Variants in TMEM135 observed in about 807,000 individuals in gnomAD.
TMEM135 encodes the protein transmembrane protein 135.
TMEM135 carries 30 observed loss-of-function variants against 60.3 expected under a neutral mutation model. The ratio of observed to expected loss-of-function variants is 0.50; its 90% CI spans 0.37 to 0.68. The LOEUF is 0.68. TMEM135 is among the 30% of genes least tolerant of loss of function. The pLI is 0.00. For missense variants in TMEM135, 468 were observed against 548.8 expected (o/e 0.85, Z 1.47); for synonymous variants, 190 against 186.7 (o/e 1.02, Z -0.14).
chr11:87,090,859 A>G (rs1050117257), intron 3 of TMEM135, among the ~76,000 whole-genome samples: 1 of 152,138 alleles, frequency 6.6e-6, no homozygotes, highest in African/African-American at 2.4e-5. Context: ...AAATGAAATT[A>G]AAACCAATGT....
chr11:87,077,677 T>C (rs1199085661), intron 3 of TMEM135, among the ~76,000 whole-genome samples: 1 of 152,212 alleles, frequency 6.6e-6, no homozygotes, highest in Non-Finnish European at 1.5e-5. Context: ...CACAAAGTTG[T>C]TTAACTACCA....
intron 4 of TMEM135, among the ~76,000 whole-genome samples, chr11:87,135,770 A>G (rs1245949372): frequency 6.6e-6 from 1 of 152,094 alleles, no homozygotes; most frequent in Admixed American, 6.6e-5. Flanking sequence ...CAATTTTTGT[A>G]TAAAAAGCCT....
intron 4 of TMEM135, among the ~76,000 whole-genome samples, chr11:87,142,041 G>A (rs1419553643): frequency 6.6e-6 from 1 of 152,084 alleles, no homozygotes; most frequent in Non-Finnish European, 1.5e-5. Flanking sequence ...TTGAGAGAGG[G>A]TCCTCCTCCC....
At chr11:87,221,612 C>T (rs1940617957) in intron 5 of TMEM135, among the ~76,000 whole-genome samples, 1 of 152,062 alleles carries the variant, frequency 6.6e-6, no homozygotes. Flanking sequence ...AGATCTTAAC[C>T]ACATGCAACT....
intron 1 of TMEM135, among the ~76,000 whole-genome samples, chr11:87,038,609 CTTTTT>C (rs3045930): frequency 1.3e-4 from 15 of 113,918 alleles, no homozygotes; most frequent in Non-Finnish European, 1.6e-4. Context: ...TTTTATTTTG[CTTTTT>C]TTTTTTTTTT....
chr11:87,281,581 A>C (rs1157173436), intron 6 of TMEM135, among the ~76,000 whole-genome samples: 2 of 152,234 alleles, frequency 1.3e-5, no homozygotes, highest in Non-Finnish European at 2.9e-5. Flanking sequence ...AATATAAACA[A>C]ATACAGTTGA....
chr11:87,102,670 G>A (rs1325132882), intron 4 of TMEM135, among the ~76,000 whole-genome samples: 1 of 146,520 alleles, frequency 6.8e-6, no homozygotes, highest in Non-Finnish European at 1.5e-5. Context: ...GCAATGTGAT[G>A]TTTTGATATA....
intron 12 of TMEM135, among the ~76,000 whole-genome samples, chr11:87,317,544 T>C (rs754260670): frequency 4.2e-4 from 64 of 152,140 alleles, no homozygotes; most frequent in Non-Finnish European, 6.8e-4. Context: ...TGCTTTGCTC[T>C]TTGGTTATGG....
chr11:87,212,905 A>T (rs776958914), intron 5 of TMEM135, among the ~76,000 whole-genome samples: 1 of 151,990 alleles, frequency 6.6e-6, no homozygotes, highest in Non-Finnish European at 1.5e-5. Flanking sequence ...TAATATACAA[A>T]TTTATAGAAA....
chr11:87,101,870 G>A (rs1011439951), intron 4 of TMEM135, among the ~76,000 whole-genome samples: 8 of 152,176 alleles, frequency 5.3e-5, no homozygotes, highest in African/African-American at 1.7e-4. Context: ...CTACTCGGGA[G>A]ACTGAGGCAG....
intron 14 of TMEM135, among the ~76,000 whole-genome samples, chr11:87,320,132 C>T (rs1404657498): frequency 2.0e-5 from 3 of 152,058 alleles, no homozygotes; most frequent in African/African-American, 7.2e-5. Flanking sequence ...TTTTAAGAGG[C>T]ACACATACAA....
Position 87,322,763 on chromosome 11 carries a change from T to G in TMEM135, c.*1430T>G. 1 of 454,250 alleles carries G rather than the reference T, an allele frequency of 2.2e-6. No individual in the cohort carries two copies. The highest frequency in any genetic ancestry group is 4.4e-6 in the Non-Finnish European group (1 of 226,728). 28.1% of individuals were successfully genotyped at this position (454,250 alleles called of 1,614,324 possible). A position where few individuals can be genotyped will look rare whatever the true frequency, so the allele number is the denominator to read the frequency against. On this transcript the variant is annotated 3_prime_UTR_variant, in exon 15 of 15. Transcript: ENST00000305494. ...GCTTAAATGTAATTCAATCCTTGGT[T>G]GTTATGGCAAACAGAAACCCAACAA... is the stretch of plus-strand genomic sequence containing the variant.
intron 4 of TMEM135, among the ~76,000 whole-genome samples, chr11:87,129,792 T>TA (rs1257923081): frequency 6.6e-6 from 1 of 151,800 alleles, no homozygotes; most frequent in Non-Finnish European, 1.5e-5. Flanking sequence ...CTGCCCTCCT[T>TA]AGCCTCCGAA....
rs1000029158 is a variant in TMEM135 at position 87,325,501 on chromosome 11, T to G, written c.*4168T>G. The G allele has an allele frequency of 1.2e-4, 52 of 439,978 alleles. No homozygotes were observed. The highest frequency in any genetic ancestry group is 2.2e-4 in the Non-Finnish European group (48 of 219,068). 27.3% of individuals were successfully genotyped at this position (439,978 alleles called of 1,614,324 possible). ...CTGTTTTATGTGGGCTCTCTCTCTC[T>G]CCCTCTCTCTCTCTCTCTGTCTGTC... On this transcript the variant is annotated 3_prime_UTR_variant, in exon 15 of 15. Coordinates refer to ENST00000305494, the MANE Select transcript of TMEM135 (RefSeq NM_022918.4).
chr11:87,060,249 G>A (rs1009493041), intron 1 of TMEM135, among the ~76,000 whole-genome samples: 2 of 152,222 alleles, frequency 1.3e-5, no homozygotes, highest in Non-Finnish European at 2.9e-5. Context: ...TGTTGTGAAT[G>A]TTGTTTTTCC....
chr11:87,164,212 TG>T (rs1357864091), intron 5 of TMEM135, among the ~76,000 whole-genome samples: 1 of 121,772 alleles, frequency 8.2e-6, no homozygotes, highest in Non-Finnish European at 1.6e-5. Flanking sequence ...AATTGATTTT[TG>T]TATAAGGTGT....
chr11:87,310,920 G>A (rs781373642), intron 10 of TMEM135, among the ~76,000 whole-genome samples: 20 of 151,890 alleles, frequency 1.3e-4, no homozygotes, highest in Admixed American at 9.2e-4. Context: ...CAATATGTCT[G>A]ACTAATGAAT....
intron 5 of TMEM135, among the ~76,000 whole-genome samples, chr11:87,191,078 C>A (rs920839686): frequency 6.6e-6 from 1 of 152,122 alleles, no homozygotes; most frequent in African/African-American, 2.4e-5. Context: ...TAATTCCTTG[C>A]CGGCTGGTTG....
rs869209609 is a variant in TMEM135 at position 87,103,481 on chromosome 11, GT to G, written c.396+12098del. On this transcript the variant is annotated intron_variant, in intron 4 of 14. Coordinates refer to ENST00000305494, the MANE Select transcript of TMEM135 (RefSeq NM_022918.4). The stretch of plus-strand genomic sequence containing the variant: ...TGTGTGTGTTAGCCATGTTTTTTTT[GT>G]TTTTTTTTTTTGTTTGTTTTTTTGT... Among the ~76,000 whole-genome samples, 159 of 74,382 alleles carry G rather than the reference GT, an allele frequency of 2.1e-3. 1 individual carries two copies. The highest frequency in any genetic ancestry group is 8.0e-3 in the African/African-American group (138 of 17,164). 48.8% of individuals were successfully genotyped at this position (74,382 alleles called of 152,430 possible).
Sources: gnomAD v4.1 joint callset for allele counts (sites outside exome capture counted in the v4.1 genomes callset) on GRCh38, gnomAD v4.1.1 for gene constraint, MANE v1.5 for transcripts, NCBI Gene and HGNC (gene_info 2026-07-23, HGNC 2026-07-21) for gene names.